LOC128462377: variants seen among roughly 807,000 people sequenced by gnomAD.
the LOC128462377 span, among the ~76,000 whole-genome samples, chr16:89,415,401 A>G: frequency 5.4e-5 from 8 of 148,650 alleles, no homozygotes; most frequent in African/African-American, 2.0e-4. Context: ...AGTAGCTGGG[A>G]CTACAGGCGC....
the LOC128462377 span, among the ~76,000 whole-genome samples, chr16:89,349,689 T>A: frequency 6.6e-6 from 1 of 152,208 alleles, no homozygotes; most frequent in East Asian, 1.9e-4. Flanking sequence ...AAACTATGTA[T>A]CTTGTAGAAG....
the LOC128462377 span, among the ~76,000 whole-genome samples, chr16:89,402,191 T>C: frequency 6.6e-6 from 1 of 152,170 alleles, no homozygotes; most frequent in Non-Finnish European, 1.5e-5. Context: ...GTTCACTGCA[T>C]GAAAGCACAG....
chr16:89,326,547 C>A, the LOC128462377 span, among the ~76,000 whole-genome samples: 1 of 152,100 alleles, frequency 6.6e-6, no homozygotes. Context: ...GAGTTTGAGA[C>A]CCGGGCAATG....
At chr16:89,396,368 C>T in the LOC128462377 span, among the ~76,000 whole-genome samples, 43 of 152,292 alleles carry the variant, frequency 2.8e-4, no homozygotes, top group African/African-American at 8.7e-4. Context: ...ACACACGCGA[C>T]GGAGCCGCAC....
the LOC128462377 span, among the ~76,000 whole-genome samples, chr16:89,387,961 C>A: frequency 1.7e-4 from 26 of 148,624 alleles, no homozygotes; most frequent in African/African-American, 5.7e-4. Context: ...TGCAGTGAGC[C>A]GAGATGGTGC....
chr16:89,349,671 A>G, the LOC128462377 span, among the ~76,000 whole-genome samples: 4 of 152,198 alleles, frequency 2.6e-5, no homozygotes, highest in African/African-American at 9.7e-5. Context: ...TGAAGTAAAT[A>G]TGACTGAAAA....
At chr16:89,356,780 CAAA>C in the LOC128462377 span, among the ~76,000 whole-genome samples, 2 of 103,982 alleles carry the variant, frequency 1.9e-5, no homozygotes, top group Non-Finnish European at 1.9e-5. Context: ...GACTCCGTCT[CAAA>C]AAAAAAAAAA....
At chr16:89,323,028 G>A in the LOC128462377 span, 1 of 310,054 alleles carries the variant, frequency 3.2e-6, no homozygotes, top group South Asian at 2.5e-5. Flanking sequence ...ACTTTCTGTG[G>A]AGTCGGGTTT....
chr16:89,402,247 G>A, the LOC128462377 span, among the ~76,000 whole-genome samples: 4 of 152,128 alleles, frequency 2.6e-5, no homozygotes, highest in Admixed American at 2.6e-4. Flanking sequence ...TTATATCTGG[G>A]TGCCTACACG....
chr16:89,414,622 G>A, the LOC128462377 span, among the ~76,000 whole-genome samples: 1 of 152,202 alleles, frequency 6.6e-6, no homozygotes. Flanking sequence ...CCACTGTCCT[G>A]GGTAGGAGAC....
the LOC128462377 span, among the ~76,000 whole-genome samples, chr16:89,336,957 C>T: frequency 1.4e-5 from 2 of 138,568 alleles, no homozygotes; most frequent in African/African-American, 5.4e-5. Context: ...ATTGCTTGAG[C>T]TCAGGAGGTG....
the LOC128462377 span, among the ~76,000 whole-genome samples, chr16:89,415,208 C>G: frequency 6.6e-6 from 1 of 151,124 alleles, no homozygotes; most frequent in Non-Finnish European, 1.5e-5. Context: ...CCCACCCCTT[C>G]CTCCCAAAGT....
the LOC128462377 span, among the ~76,000 whole-genome samples, chr16:89,364,683 T>C: frequency 6.6e-6 from 1 of 152,230 alleles, no homozygotes; most frequent in Non-Finnish European, 1.5e-5. Flanking sequence ...TCATAACGTT[T>C]ACAAATTTGT....
At chr16:89,416,322 CAG>C in the LOC128462377 span, among the ~76,000 whole-genome samples, 2 of 151,798 alleles carry the variant, frequency 1.3e-5, no homozygotes, top group African/African-American at 2.4e-5. Context: ...TCCCCAGAGA[CAG>C]AGTCTTGCTC....
the LOC128462377 span, among the ~76,000 whole-genome samples, chr16:89,410,828 G>T: frequency 2.0e-5 from 3 of 152,258 alleles, no homozygotes; most frequent in Admixed American, 6.5e-5. Context: ...ACAGAAGGGG[G>T]TGGGGAGTGG....
the LOC128462377 span, among the ~76,000 whole-genome samples, chr16:89,332,306 C>T: frequency 2.6e-5 from 4 of 152,178 alleles, no homozygotes; most frequent in Admixed American, 2.0e-4. Context: ...ACCTGGTGAA[C>T]GCTCTTCAGC....
At chr16:89,391,749 C>G in the LOC128462377 span, among the ~76,000 whole-genome samples, 1 of 152,168 alleles carries the variant, frequency 6.6e-6, no homozygotes, top group East Asian at 1.9e-4. Flanking sequence ...GCAGAGGTTC[C>G]TCTTCAAAGA....
the LOC128462377 span, among the ~76,000 whole-genome samples, chr16:89,388,824 C>T: frequency 6.6e-6 from 1 of 152,126 alleles, no homozygotes; most frequent in Non-Finnish European, 1.5e-5. Context: ...TGCCACAGCC[C>T]GGGGAATGAT....
chr16:89,356,316 A>T, the LOC128462377 span, among the ~76,000 whole-genome samples: 1 of 151,618 alleles, frequency 6.6e-6, no homozygotes, highest in African/African-American at 2.4e-5. Context: ...AGACACGCAC[A>T]GTTCTCGGTG....
Sources: allele counts gnomAD v4.1 joint callset (sites outside exome capture counted in the v4.1 genomes callset), GRCh38; gene constraint gnomAD v4.1.1; transcripts MANE v1.5.